MTMR3: variants seen among roughly 807,000 people sequenced by gnomAD.
The protein encoded by MTMR3 is myotubularin related protein 3, also known as phosphatidylinositol-3,5-bisphosphate 3-phosphatase MTMR3.
MTMR3 carries 32 observed loss-of-function variants against 132.4 expected under a neutral mutation model. The ratio of observed to expected loss-of-function variants is 0.24; its 90% CI spans 0.18 to 0.32. The LOEUF (loss-of-function observed/expected upper bound fraction) is 0.32. MTMR3 is among the 10% of genes least tolerant of loss of function. MTMR3 has a pLI of 1.00. For missense variants in MTMR3, 1,216 were observed against 1,489.6 expected (o/e 0.82, Z 3.02); for synonymous variants, 556 against 550.3 (o/e 1.01, Z -0.14).
At chr22:29,964,054 A>G (rs6519799) in intron 2 of MTMR3, among the ~76,000 whole-genome samples, 2,739 of 152,270 alleles carry the variant, frequency 0.018, 84 homozygotes, top group African/African-American at 0.063. Flanking sequence ...GCTATTTTTC[A>G]AAGAGGCTGC....
chr22:30,019,430 C>T, intron 16 of MTMR3, 50 bp from the exon 17 acceptor site: 3 of 1,528,454 alleles, frequency 2.0e-6, no homozygotes, highest in South Asian at 1.2e-5. Flanking sequence ...CTCCTACTTC[C>T]TCCAAACAGT....
At chr22:29,927,320 G>T (rs1238041893) in intron 1 of MTMR3, among the ~76,000 whole-genome samples, 1 of 152,052 alleles carries the variant, frequency 6.6e-6, no homozygotes, top group Non-Finnish European at 1.5e-5. Context: ...TTTCATGGTT[G>T]TTTTGGTTAT....
At chr22:29,954,000 C>G (rs938428410) in intron 1 of MTMR3, among the ~76,000 whole-genome samples, 3 of 149,884 alleles carry the variant, frequency 2.0e-5, no homozygotes, top group African/African-American at 7.4e-5. Context: ...CCTTATGGTA[C>G]CAGAGAGCTT....
intron 1 of MTMR3, among the ~76,000 whole-genome samples, chr22:29,883,958 C>G (rs1451202925): frequency 6.6e-6 from 1 of 152,208 alleles, no homozygotes; most frequent in Non-Finnish European, 1.5e-5. Context: ...CCTGGTCAGA[C>G]TGCTCCGCAA....
chr22:29,991,673 A>G lies in MTMR3; in HGVS notation c.460+3A>G. On this transcript the variant is annotated splice_donor_region_variant and intron_variant, in intron 7 of 19. Coordinates refer to ENST00000401950, the MANE Select transcript of MTMR3 (RefSeq NM_021090.4). ...ACATGGAGACCTGTGCAGACCAGGT[A>G]CGCCTTTCTGAAATGTGCAAATGGC... The G allele has an allele frequency of 6.9e-6, 11 of 1,587,526 alleles. No homozygotes were observed. Among genetic ancestry groups the G allele is most frequent in the Admixed American group, 1.8e-5 (1 of 55,102 alleles).
At chr22:29,887,106 T>A (rs1351173540) in intron 1 of MTMR3, among the ~76,000 whole-genome samples, 2 of 152,252 alleles carry the variant, frequency 1.3e-5, no homozygotes, top group Non-Finnish European at 2.9e-5. Context: ...TCAATACTGA[T>A]ATGCTTTCAT....
chr22:30,009,129 A>G lies in MTMR3; in HGVS notation c.1121A>G (p.Asn374Ser), dbSNP rs751279993. The stretch of plus-strand genomic sequence containing the variant: ...TGCACTCAGATGCCAGATCCGGGAA[A>G]GTAAGTCCTTGGCCTTGGCTTTCAT... ...LLCTQMPDPG[N>S]WLSALESTKW... Residue 374 changes from asparagine (N) to serine (S), a missense_variant and splice_region_variant, in exon 12 of 20, where the codon AAT becomes AGT. By Grantham distance (46) the Asn-to-Ser change is conservative. This residue lies in a region of MTMR3 where 106 missense variants were observed against 209.5 expected (regional missense o/e 0.51). Transcript: ENST00000401950. 2.0e-5 allele frequency: 32 copies of G among 1,594,254 alleles called. No homozygotes were observed. In the Admixed American group the frequency reaches 3.0e-4, roughly 15 times the overall value.
At chr22:29,929,054 T>C (rs1602494315) in intron 1 of MTMR3, among the ~76,000 whole-genome samples, 1 of 151,894 alleles carries the variant, frequency 6.6e-6, no homozygotes. Flanking sequence ...CCAAGATAGG[T>C]GGATCACCTG....
At chr22:30,012,267 G>C in intron 12 of MTMR3, 101 bp from the exon 13 acceptor site, 2 of 1,308,624 alleles carry the variant, frequency 1.5e-6, no homozygotes, top group Non-Finnish European at 2.1e-6. Context: ...TATTTGGAGA[G>C]AGAAATCTTT....
chr22:29,957,996 T>C lies in MTMR3; in HGVS notation c.-85+908T>C, dbSNP rs550193677. Among the ~76,000 whole-genome samples the C allele has an allele frequency of 2.0e-5, 3 of 152,214 alleles. No homozygotes were observed. In the East Asian group the frequency reaches 5.8e-4, roughly 29 times the overall value. On this transcript the variant is annotated intron_variant, in intron 2 of 19. Coordinates refer to ENST00000401950, the MANE Select transcript of MTMR3 (RefSeq NM_021090.4). The stretch of plus-strand genomic sequence containing the variant: ...GTACATACGTAGAGGAAAAACTATA[T>C]ATATATATATGTATGTAGTTTTCAG...
At chr22:29,910,476 C>G (rs1287411609) in intron 1 of MTMR3, among the ~76,000 whole-genome samples, 1 of 152,126 alleles carries the variant, frequency 6.6e-6, no homozygotes, top group Non-Finnish European at 1.5e-5. Context: ...ATTTCATATT[C>G]CTTTCCACTT....
chr22:29,985,094 A>T (rs1003328333), intron 5 of MTMR3: 2 of 152,202 alleles, frequency 1.3e-5, no homozygotes, highest in African/African-American at 4.8e-5. Flanking sequence ...TTGTTTTCAT[A>T]TGTGAGGAAA....
At chr22:29,980,012 C>G (rs9625895) in intron 5 of MTMR3, 2 of 152,270 alleles carry the variant, frequency 1.3e-5, no homozygotes, top group South Asian at 4.1e-4. Flanking sequence ...CATGTACTTA[C>G]AGCAAATGCC....
At chr22:29,978,637 T>C in intron 4 of MTMR3, 106 bp downstream of exon 4, 2 of 782,896 alleles carry the variant, frequency 2.6e-6, no homozygotes, top group Non-Finnish European at 3.9e-6. Flanking sequence ...ATATATAACA[T>C]ACATGTAGTA....
rs1263376141 is a variant in MTMR3, at chr22:30,026,091, CTG to C, written c.*292_*293del. On this transcript the variant is annotated 3_prime_UTR_variant, in exon 20 of 20. Coordinates refer to ENST00000401950, the MANE Select transcript of MTMR3 (RefSeq NM_021090.4). Reference sequence around the variant, plus strand: ...GGAAGACCAAGGGTTGCCAGGCCCACTGTAACTGCCGAGCTGCCTGCTGTCAC... The same window carrying C: ...GGAAGACCAAGGGTTGCCAGGCCCACTAACTGCCGAGCTGCCTGCTGTCAC... 6 of 321,348 alleles carry C rather than the reference CTG, an allele frequency of 1.9e-5. No homozygotes were observed. The highest frequency in any genetic ancestry group is 2.9e-5 in the Non-Finnish European group (5 of 173,016). The allele number at this position is 321,348 out of a possible 1,614,324, so 19.9% of individuals were successfully genotyped here.
At chr22:29,957,369 G>A (rs2066217350) in intron 2 of MTMR3, among the ~76,000 whole-genome samples, 1 of 150,238 alleles carries the variant, frequency 6.7e-6, no homozygotes, top group South Asian at 2.1e-4. Flanking sequence ...TTGAGTTGCA[G>A]CACTAATCAT....
At chr22:29,887,368 A>G (rs549926249) in intron 1 of MTMR3, among the ~76,000 whole-genome samples, 3 of 152,216 alleles carry the variant, frequency 2.0e-5, no homozygotes, top group South Asian at 2.1e-4. Context: ...AATAGTGTAT[A>G]TGAAAAGCAT....
rs1458465649 is a variant in MTMR3, at chr22:30,023,553, C to T, written c.3425+856C>T. The T allele has an allele frequency of 5.8e-5, 91 of 1,568,096 alleles. 3 individuals carry two copies. In the South Asian group the frequency reaches 8.0e-4, roughly 14 times the overall value. On this transcript the variant is annotated intron_variant, in intron 19 of 19. Coordinates refer to ENST00000401950, the MANE Select transcript of MTMR3 (RefSeq NM_021090.4). ...ATAACTTCTCCACACTAACTCTTAT[C>T]ATTTCCCCCTCTCTGCACTTACTAG...
chr22:29,887,167 C>T (rs1223281947), intron 1 of MTMR3, among the ~76,000 whole-genome samples: 1 of 151,974 alleles, frequency 6.6e-6, no homozygotes, highest in Non-Finnish European at 1.5e-5. Flanking sequence ...ATATTTGTAT[C>T]AGATATTAAA....
Sources: allele counts gnomAD v4.1 joint callset (sites outside exome capture counted in the v4.1 genomes callset), GRCh38; gene constraint gnomAD v4.1.1; regional missense constraint gnomAD v4.1.1; transcripts MANE v1.5; gene names NCBI Gene and HGNC (gene_info 2026-07-23, HGNC 2026-07-21).